Variants in PARD3 observed in about 807,000 individuals in gnomAD.
PARD3 encodes par-3 family cell polarity regulator.
A neutral mutation model predicts 155.4 loss-of-function variants in PARD3; 75 were observed. That is an observed-to-expected ratio of 0.48 (90% confidence interval 0.40 to 0.58). The LOEUF (loss-of-function observed/expected upper bound fraction) is 0.58. Ranked by LOEUF, PARD3 falls within the 20% of genes least tolerant of loss-of-function variation. The pLI, the probability that PARD3 is intolerant of heterozygous loss-of-function variation, is 0.00. For missense variants in PARD3, 1,642 were observed against 1,721.7 expected (o/e 0.95, Z 0.82); for synonymous variants, 576 against 610.5 (o/e 0.94, Z 0.83).
At chr10:34,371,874 C>A (rs1455221628) in intron 12 of PARD3, among the ~76,000 whole-genome samples, 1 of 151,978 alleles carries the variant, frequency 6.6e-6, no homozygotes, top group Non-Finnish European at 1.5e-5. Context: ...TAGAGCAATC[C>A]TTCCTTTTAT....
At chr10:34,795,288 A>T (rs1004848070) in intron 1 of PARD3, among the ~76,000 whole-genome samples, 1 of 152,118 alleles carries the variant, frequency 6.6e-6, no homozygotes, top group Non-Finnish European at 1.5e-5. Flanking sequence ...GTCCGGAGGG[A>T]GATGCCCAAT....
In PARD3 at chr10:34,616,899, C is replaced by T. The variant is rs180720189; in HGVS notation, c.222+79419G>A. Among the ~76,000 whole-genome samples, 522 of 145,432 alleles carry T rather than the reference C, an allele frequency of 3.6e-3. 5 individuals are homozygous for T. The highest frequency in any genetic ancestry group is 4.6e-3 in the Non-Finnish European group (308 of 66,896). ...GCAATGAACCAAGATCACACCACTG[C>T]ACTCCAGCTTGGGCAACAGAGCACC... On this transcript the variant is annotated intron_variant, in intron 2 of 24. Coordinates refer to ENST00000374788, the MANE Select transcript of PARD3 (RefSeq NM_001184785.2).
intron 2 of PARD3, among the ~76,000 whole-genome samples, chr10:34,570,983 G>A (rs1457865837): frequency 6.6e-6 from 1 of 152,154 alleles, no homozygotes; most frequent in Non-Finnish European, 1.5e-5. Flanking sequence ...GGAAGGGGCA[G>A]AACTACACAT....
At chr10:34,635,950 A>T (rs567775063) in intron 2 of PARD3, among the ~76,000 whole-genome samples, 1 of 151,806 alleles carries the variant, frequency 6.6e-6, no homozygotes, top group Admixed American at 6.6e-5. Context: ...GACACCTCCC[A>T]CCCCATATTC....
At chr10:34,450,295 A>T (rs767919703) in intron 5 of PARD3, 22 bp downstream of exon 5, 2 of 1,608,450 alleles carry the variant, frequency 1.2e-6, no homozygotes, top group Middle Eastern at 3.3e-4. Flanking sequence ...AATGACGCAC[A>T]TATAAGGATT....
chr10:34,343,592 A>G (rs925630279), intron 15 of PARD3: 2 of 985,280 alleles, frequency 2.0e-6, no homozygotes, highest in Non-Finnish European at 2.4e-6. Context: ...GCTTGCCAGG[A>G]ATATAGTTTT....
At chr10:34,623,291 A>G (rs1484219845) in intron 2 of PARD3, among the ~76,000 whole-genome samples, 1 of 152,190 alleles carries the variant, frequency 6.6e-6, no homozygotes, top group Admixed American at 6.5e-5. Flanking sequence ...TCTGACACCT[A>G]TTTATAGCAG....
intron 20 of PARD3, 74 bp downstream of exon 20, chr10:34,317,032 GT>G: frequency 7.2e-7 from 1 of 1,395,020 alleles, no homozygotes; most frequent in South Asian, 1.5e-5. Flanking sequence ...ACCGTGTCCA[GT>G]TTTTAGTACT....
chr10:34,444,304 A>C (rs1047824505), intron 5 of PARD3, among the ~76,000 whole-genome samples: 5 of 152,222 alleles, frequency 3.3e-5, no homozygotes, highest in Non-Finnish European at 7.3e-5. Context: ...CATGTATCAC[A>C]AAGTCCCTGC....
At chr10:34,436,990 A>G (rs2076222184) in intron 5 of PARD3, among the ~76,000 whole-genome samples, 1 of 152,202 alleles carries the variant, frequency 6.6e-6, no homozygotes, top group South Asian at 2.1e-4. Context: ...TGGGGGAGGG[A>G]GACTACTATT....
intron 5 of PARD3, among the ~76,000 whole-genome samples, chr10:34,425,160 T>G (rs2075531332): frequency 6.6e-6 from 1 of 152,158 alleles, no homozygotes; most frequent in African/African-American, 2.4e-5. Context: ...TTAGAATATT[T>G]TTGCTCACCC....
chr10:34,388,978 C>G (rs972693623), intron 7 of PARD3, among the ~76,000 whole-genome samples: 10 of 152,030 alleles, frequency 6.6e-5, no homozygotes, highest in Non-Finnish European at 1.3e-4. Flanking sequence ...TTATGTGAAA[C>G]AGAACCTCCT....
chr10:34,494,484 C>A (rs568688192), intron 3 of PARD3, among the ~76,000 whole-genome samples: 1 of 152,262 alleles, frequency 6.6e-6, no homozygotes, highest in African/African-American at 2.4e-5. Flanking sequence ...AATTACTAAA[C>A]GATCACTTGA....
At chr10:34,538,310 C>G (rs1259979944) in intron 2 of PARD3, among the ~76,000 whole-genome samples, 1 of 152,188 alleles carries the variant, frequency 6.6e-6, no homozygotes, top group Non-Finnish European at 1.5e-5. Flanking sequence ...GCACCTAGCA[C>G]GTATGACCAC....
At chr10:34,730,726 G>A (rs138972756) in intron 1 of PARD3, among the ~76,000 whole-genome samples, 1 of 152,318 alleles carries the variant, frequency 6.6e-6, no homozygotes, top group East Asian at 1.9e-4. Context: ...GTACAAGGCT[G>A]CAGTGAGCTA....
intron 9 of PARD3, 98 bp downstream of exon 9, chr10:34,382,442 G>T: frequency 1.6e-6 from 2 of 1,252,998 alleles, no homozygotes; most frequent in Non-Finnish European, 2.2e-6. Flanking sequence ...GGGTGCTTTG[G>T]GTTAGTAGGT....
At chr10:34,168,222 A>G (rs34881345) in intron 22 of PARD3, among the ~76,000 whole-genome samples, 4,115 of 152,322 alleles carry the variant, frequency 0.027, 79 homozygotes, top group Non-Finnish European at 0.04. Context: ...AATTTAATAT[A>G]TGATAAACTA....
At chr10:34,750,102 G>C (rs1835807706) in intron 1 of PARD3, among the ~76,000 whole-genome samples, 2 of 149,772 alleles carry the variant, frequency 1.3e-5, no homozygotes, top group Admixed American at 6.7e-5. Flanking sequence ...AAAATTAACA[G>C]AATTTGTGTT....
At chr10:34,574,822 C>T (rs995297359) in intron 2 of PARD3, among the ~76,000 whole-genome samples, 2 of 152,146 alleles carry the variant, frequency 1.3e-5, no homozygotes, top group Non-Finnish European at 2.9e-5. Context: ...GAATAAGAAA[C>T]ATTTTCAAAA....
Sources: allele counts gnomAD v4.1 joint callset (sites outside exome capture counted in the v4.1 genomes callset), GRCh38; gene constraint gnomAD v4.1.1; transcripts MANE v1.5; gene names NCBI Gene and HGNC (gene_info 2026-07-23, HGNC 2026-07-21).